NR3C2: variants seen among roughly 807,000 people sequenced by gnomAD.
NR3C2 encodes mineralocorticoid receptor.
Under a neutral mutation model 86.4 loss-of-function variants are expected in NR3C2, and 15 were observed. The ratio of observed to expected loss-of-function variants is 0.17; its 90% CI spans 0.12 to 0.27. NR3C2 has a LOEUF of 0.27. Ranked by LOEUF, NR3C2 falls within the 10% of genes least tolerant of loss-of-function variation. The probability of loss-of-function intolerance (pLI) is 1.00; values close to 1 mark genes in which losing one functional copy is unlikely to be tolerated. For synonymous variants in NR3C2, 458 were observed against 450.5 expected, an observed-to-expected ratio of 1.02 and a Z score of -0.21; for missense variants, 960 against 1,195.6, an observed-to-expected ratio of 0.80 and a Z score of 2.91.
intron 3 of NR3C2, among the ~76,000 whole-genome samples, chr4:148,252,712 A>G (rs879679854): frequency 6.6e-6 from 1 of 152,176 alleles, no homozygotes; most frequent in Non-Finnish European, 1.5e-5. Context: ...TGAGTGCCAA[A>G]TAAGTGGCCA....
chr4:148,116,969 T>G (rs911247634), intron 7 of NR3C2, among the ~76,000 whole-genome samples: 1 of 152,246 alleles, frequency 6.6e-6, no homozygotes, highest in Admixed American at 6.5e-5. Context: ...TAACCAGTAA[T>G]GGTTAATAAT....
Position 148,435,164 on chromosome 4 carries a change from A to G in NR3C2, c.1697T>C (p.Leu566Pro), listed in dbSNP as rs752085469. The G allele has an allele frequency of 3.7e-6, 6 of 1,614,190 alleles. 1 individual carries two copies. In the South Asian group the frequency reaches 6.6e-5, roughly 18 times the overall value. Residue 566 changes from leucine (L) to proline (P), a missense_variant, in exon 2 of 9, where the codon CTG becomes CCG. Leu to Pro is a moderately conservative substitution (Grantham distance 98, BLOSUM62 -3). This residue lies in a region of NR3C2 where 680 missense variants were observed against 719.0 expected (regional missense o/e 0.95). Transcript: ENST00000358102. ...ATACCCATCACTTCTTCTAGACGAC[A>G]GGTCGCCGTGTGATTTCCATGACTC... Reference protein sequence around the residue: ...LVESWKSHGDLSSRRSDGYPV... With the variant: ...LVESWKSHGDPSSRRSDGYPV...
intron 8 of NR3C2, among the ~76,000 whole-genome samples, chr4:148,099,653 A>C (rs1731445403): frequency 1.3e-5 from 2 of 152,230 alleles, no homozygotes; most frequent in Admixed American, 1.3e-4. Flanking sequence ...CTTAGAAAGA[A>C]AGACACTATG....
intron 3 of NR3C2, among the ~76,000 whole-genome samples, chr4:148,198,089 T>C (rs1736525811): frequency 6.6e-6 from 1 of 151,860 alleles, no homozygotes; most frequent in Non-Finnish European, 1.5e-5. Flanking sequence ...TAAAACAAAT[T>C]GAAAGACTTA....
rs529075132 is a variant in NR3C2, at chr4:148,413,160, T to G, written c.1757+21944A>C. Reference sequence around the variant, plus strand: ...CTAGTGTTTATTGAAAGCTTCTAAATAGCTATATAGCACTCACTCTTCGTA... The same window carrying G: ...CTAGTGTTTATTGAAAGCTTCTAAAGAGCTATATAGCACTCACTCTTCGTA... On this transcript the variant is annotated intron_variant, in intron 2 of 8. Coordinates refer to ENST00000358102, the MANE Select transcript of NR3C2 (RefSeq NM_000901.5). 2.6e-5 allele frequency among the ~76,000 whole-genome samples: 4 copies of G among 152,320 alleles called. No individual in the cohort carries two copies. The South Asian group carries it at 8.3e-4, about 32-fold the overall frequency.
At chr4:148,416,773 CTTTT>C (rs879424244) in intron 2 of NR3C2, among the ~76,000 whole-genome samples, 1 of 151,236 alleles carries the variant, frequency 6.6e-6, no homozygotes, top group Non-Finnish European at 1.5e-5. Context: ...TATGTATTTG[CTTTT>C]TTTTTCTTTT....
intron 2 of NR3C2, among the ~76,000 whole-genome samples, chr4:148,371,276 T>C (rs1746406007): frequency 6.6e-6 from 1 of 152,008 alleles, no homozygotes; most frequent in Non-Finnish European, 1.5e-5. Context: ...CTAGGTCTTA[T>C]TCATTCTATT....
chr4:148,271,874 C>T (rs1740702548), intron 2 of NR3C2, among the ~76,000 whole-genome samples: 1 of 152,258 alleles, frequency 6.6e-6, no homozygotes, highest in African/African-American at 2.4e-5. Context: ...CTTTCTAGCT[C>T]ATTCATTAGC....
intron 3 of NR3C2, among the ~76,000 whole-genome samples, chr4:148,195,385 A>G (rs1487996506): frequency 6.6e-6 from 1 of 152,240 alleles, no homozygotes; most frequent in Non-Finnish European, 1.5e-5. Flanking sequence ...AGAGAGTGAC[A>G]TCTATTGGCA....
At chr4:148,412,876 G>A (rs1390707424) in intron 2 of NR3C2, among the ~76,000 whole-genome samples, 2 of 152,002 alleles carry the variant, frequency 1.3e-5, no homozygotes, top group Non-Finnish European at 2.9e-5. Flanking sequence ...AAGGATGACT[G>A]AGTGTCCCAT....
chr4:148,405,999 A>T (rs990109055), intron 2 of NR3C2, among the ~76,000 whole-genome samples: 2 of 151,896 alleles, frequency 1.3e-5, no homozygotes, highest in African/African-American at 2.4e-5. Flanking sequence ...TTGGGTTTTT[A>T]AAAAAAAATT....
At chr4:148,411,450 C>T (rs1483642558) in intron 2 of NR3C2, among the ~76,000 whole-genome samples, 1 of 152,130 alleles carries the variant, frequency 6.6e-6, no homozygotes, top group Non-Finnish European at 1.5e-5. Flanking sequence ...TCCCCTGTCC[C>T]TCCCTCTCCA....
chr4:148,393,916 C>T (rs1012005563), intron 2 of NR3C2, among the ~76,000 whole-genome samples: 3 of 152,182 alleles, frequency 2.0e-5, no homozygotes, highest in African/African-American at 7.2e-5. Flanking sequence ...TTTCCCACCC[C>T]TTGTGTCTTG....
chr4:148,233,711 T>C (rs1331780185), intron 3 of NR3C2, among the ~76,000 whole-genome samples: 3 of 152,066 alleles, frequency 2.0e-5, no homozygotes, highest in Non-Finnish European at 2.9e-5. Context: ...AGGGAATGGC[T>C]GGTTGGTGAA....
At chr4:148,179,578 T>G (rs1283901397) in intron 4 of NR3C2, among the ~76,000 whole-genome samples, 2 of 151,798 alleles carry the variant, frequency 1.3e-5, no homozygotes, top group Admixed American at 1.3e-4. Flanking sequence ...TGGCATTCAA[T>G]GCCTGCACTG....
In NR3C2 at chr4:148,260,084, T is replaced by C. The variant is rs34905604; in HGVS notation, c.1791A>G (p.Ser597=). 6.3e-4 allele frequency: 1,013 copies of C among 1,614,100 alleles called. 3 individuals are homozygous for C. The African/African-American group carries it at 0.012, about 19-fold the overall frequency. The change falls in exon 3 of 9, where the codon TCA becomes TCG. Residue 597 remains serine, a synonymous_variant. Coordinates refer to ENST00000358102, the MANE Select transcript of NR3C2 (RefSeq NM_000901.5). ...STLRSVSTGS[S]RPSKICLVCG... is the part of the protein sequence containing the mutation. ...ACACCAAACATATTTTTGAAGGTCT[T>C]GAAGATCCAGTAGAAACACTTCGTA...
intron 8 of NR3C2, among the ~76,000 whole-genome samples, chr4:148,081,753 C>G (rs1730571738): frequency 4.6e-5 from 7 of 152,216 alleles, no homozygotes; most frequent in Admixed American, 4.6e-4. Context: ...AATGTATGAG[C>G]TGAAACAGGG....
At chr4:148,289,273 C>A (rs1225458852) in intron 2 of NR3C2, among the ~76,000 whole-genome samples, 257 of 130,694 alleles carry the variant, frequency 2.0e-3, no homozygotes, top group East Asian at 2.5e-3. Context: ...TATTTACAGC[C>A]AAAAAAAAAA....
chr4:148,414,978 T>C (rs548123763), intron 2 of NR3C2, among the ~76,000 whole-genome samples: 6 of 152,242 alleles, frequency 3.9e-5, no homozygotes, highest in Non-Finnish European at 8.8e-5. Flanking sequence ...TTTCATGATA[T>C]GCATAAATGC....
Sources: allele counts gnomAD v4.1 joint callset (sites outside exome capture counted in the v4.1 genomes callset), GRCh38; gene constraint gnomAD v4.1.1; regional missense constraint gnomAD v4.1.1; transcripts MANE v1.5; gene names NCBI Gene and HGNC (gene_info 2026-07-23, HGNC 2026-07-21).